ADAMTS3: variants seen among roughly 807,000 people sequenced by gnomAD.
ADAMTS3 encodes the protein ADAM metallopeptidase with thrombospondin type 1 motif 3.
A neutral mutation model predicts 129.0 loss-of-function variants in ADAMTS3; 73 were observed. The ratio of observed to expected loss-of-function variants is 0.57; its 90% confidence interval spans 0.47 to 0.69. The LOEUF is 0.69. Among genes scored for constraint, ADAMTS3 ranks in the 30% least tolerant of loss-of-function variants. The probability of loss-of-function intolerance (pLI) is 0.00; values close to 1 mark genes in which losing one functional copy is unlikely to be tolerated. For missense variants in ADAMTS3, 1,457 were observed against 1,514.5 expected (o/e 0.96, Z 0.63); for synonymous variants, 477 against 510.8 (o/e 0.93, Z 0.89).
At chr4:72,390,524 C>T (rs1476852925) in intron 4 of ADAMTS3, among the ~76,000 whole-genome samples, 1 of 152,122 alleles carries the variant, frequency 6.6e-6, no homozygotes, top group African/African-American at 2.4e-5. Context: ...TTTAACTTTA[C>T]TCATTTTGAC....
chr4:72,495,323 AAG>A (rs1404974995), intron 3 of ADAMTS3, among the ~76,000 whole-genome samples: 1 of 152,166 alleles, frequency 6.6e-6, no homozygotes, highest in Non-Finnish European at 1.5e-5. Context: ...CTGGCTGGAA[AAG>A]AGAGAAATGG....
At chr4:72,420,275 C>G (rs544736122) in intron 3 of ADAMTS3, among the ~76,000 whole-genome samples, 4 of 152,288 alleles carry the variant, frequency 2.6e-5, no homozygotes, top group African/African-American at 9.6e-5. Flanking sequence ...CTCTTCCTTG[C>G]TGGCTTCACT....
At chr4:72,435,142 T>C (rs1722789913) in intron 3 of ADAMTS3, among the ~76,000 whole-genome samples, 1 of 151,716 alleles carries the variant, frequency 6.6e-6, no homozygotes, top group Admixed American at 6.6e-5. Flanking sequence ...AGCACAAAAC[T>C]GTGAAATGTG....
chr4:72,307,776 C>T (rs1359214446), intron 15 of ADAMTS3, among the ~76,000 whole-genome samples: 1 of 151,876 alleles, frequency 6.6e-6, no homozygotes, highest in Non-Finnish European at 1.5e-5. Context: ...TTTATGGCAC[C>T]TCTTGCTTAA....
chr4:72,345,888 A>G (rs1720268442), intron 4 of ADAMTS3, among the ~76,000 whole-genome samples: 1 of 152,084 alleles, frequency 6.6e-6, no homozygotes, highest in Admixed American at 6.6e-5. Flanking sequence ...GACTGGCAGT[A>G]AAAAACTTCT....
At chr4:72,312,581 G>A in intron 12 of ADAMTS3, 115 bp from the exon 13 acceptor site, 2 of 910,036 alleles carry the variant, frequency 2.2e-6, no homozygotes, top group South Asian at 1.8e-5. Context: ...AGCACAAAGT[G>A]AATGAACTCA....
At chr4:72,399,060 T>G (rs949503076) in intron 4 of ADAMTS3, among the ~76,000 whole-genome samples, 1 of 152,244 alleles carries the variant, frequency 6.6e-6, no homozygotes, top group East Asian at 1.9e-4. Flanking sequence ...AAATTTTAGT[T>G]GAGAGCTTTT....
intron 4 of ADAMTS3, among the ~76,000 whole-genome samples, chr4:72,371,365 C>A (rs763586105): frequency 6.6e-6 from 1 of 151,212 alleles, no homozygotes; most frequent in African/African-American, 2.4e-5. Context: ...TGCTTACAAG[C>A]GACACATCTT....
rs557435473 is a variant in ADAMTS3 at position 72,290,991 on chromosome 4, C to T, written c.2795G>A (p.Arg932His). 9 of 1,613,990 alleles carry T rather than the reference C, an allele frequency of 5.6e-6. No individual in the cohort carries two copies. The Admixed American group carries it at 8.3e-5, about 15-fold the overall frequency. ...GCCATCAAGGAGTGGCTGAAGGCAG[C>T]GTACAGTGCGAAGCTGATAGCCAGA... ...GSSGYQLRTVRCLQPLLDGTN... is the reference protein window; with the variant it reads ...GSSGYQLRTVHCLQPLLDGTN... The change falls in exon 20 of 22, where the codon CGC (arginine) becomes CAC (histidine). Residue 932 changes from arginine (R) to histidine (H), a missense_variant. By Grantham distance (29) the Arg-to-His change is conservative. Transcript: ENST00000286657.
chr4:72,445,214 G>A (rs944372641), intron 3 of ADAMTS3, among the ~76,000 whole-genome samples: 2 of 151,686 alleles, frequency 1.3e-5, no homozygotes, highest in Non-Finnish European at 2.9e-5. Flanking sequence ...ACTCAATAAA[G>A]CTATTAAAAT....
At chr4:72,476,519 TGGA>T (rs1181535250) in intron 3 of ADAMTS3, among the ~76,000 whole-genome samples, 3 of 152,086 alleles carry the variant, frequency 2.0e-5, no homozygotes, top group African/African-American at 7.2e-5. Context: ...ATGGGTTCAA[TGGA>T]GAATTCTACC....
At chr4:72,556,120 A>G (rs1721759902) in intron 2 of ADAMTS3, among the ~76,000 whole-genome samples, 1 of 151,522 alleles carries the variant, frequency 6.6e-6, no homozygotes, top group African/African-American at 2.4e-5. Context: ...CTTAGTGTAT[A>G]TTACAGGAAG....
intron 5 of ADAMTS3, among the ~76,000 whole-genome samples, chr4:72,326,023 C>T (rs1428154810): frequency 6.6e-6 from 1 of 152,014 alleles, no homozygotes; most frequent in Non-Finnish European, 1.5e-5. Context: ...TTTTAAAATT[C>T]AGATTTACCA....
At chr4:72,477,204 A>G (rs1251721705) in intron 3 of ADAMTS3, among the ~76,000 whole-genome samples, 1 of 152,162 alleles carries the variant, frequency 6.6e-6, no homozygotes, top group Admixed American at 6.6e-5. Flanking sequence ...ATAGACATTT[A>G]CAGAACACTC....
At chr4:72,346,721 CGTT>C (rs1237082091) in intron 4 of ADAMTS3, among the ~76,000 whole-genome samples, 1 of 152,100 alleles carries the variant, frequency 6.6e-6, no homozygotes, top group African/African-American at 2.4e-5. Context: ...AAAACCTACT[CGTT>C]GTTATAGCTG....
At chr4:72,397,403 A>C (rs1273801050) in intron 4 of ADAMTS3, among the ~76,000 whole-genome samples, 1 of 152,058 alleles carries the variant, frequency 6.6e-6, no homozygotes, top group Non-Finnish European at 1.5e-5. Flanking sequence ...GTCTCTACCA[A>C]AAGTACAATA....
At chr4:72,333,228 A>C (rs1456988210) in intron 5 of ADAMTS3, among the ~76,000 whole-genome samples, 2 of 152,204 alleles carry the variant, frequency 1.3e-5, no homozygotes, top group African/African-American at 4.8e-5. Context: ...TTCATTTTGA[A>C]TCTAGACCCA....
intron 4 of ADAMTS3, among the ~76,000 whole-genome samples, chr4:72,367,247 T>G (rs1433943902): frequency 2.6e-5 from 4 of 152,134 alleles, no homozygotes; most frequent in African/African-American, 9.7e-5. Context: ...TTATCCAGAG[T>G]GGCAATAAAC....
intron 4 of ADAMTS3, among the ~76,000 whole-genome samples, chr4:72,409,832 A>C (rs558406986): frequency 6.6e-6 from 1 of 152,190 alleles, no homozygotes; most frequent in Non-Finnish European, 1.5e-5. Flanking sequence ...GAAACATACA[A>C]AACTAACCAG....
Sources: gnomAD v4.1 joint callset for allele counts (sites outside exome capture counted in the v4.1 genomes callset) on GRCh38, gnomAD v4.1.1 for gene constraint, MANE v1.5 for transcripts, NCBI Gene and HGNC (gene_info 2026-07-23, HGNC 2026-07-21) for gene names.